Variants in JADE3 observed in about 807,000 individuals in gnomAD.
JADE3 encodes the protein protein Jade-3.
JADE3 carries 2 observed loss-of-function variants against 50.1 expected under a neutral mutation model. The observed-to-expected ratio is 0.04, with a 90% CI of 0.02 to 0.13. The LOEUF is 0.13. Ranked by LOEUF, JADE3 falls within the 10% of genes least tolerant of loss-of-function variation. The probability of loss-of-function intolerance (pLI) is 1.00; values close to 1 mark genes in which losing one functional copy is unlikely to be tolerated. For synonymous variants in JADE3, 218 were observed against 232.9 expected (o/e 0.94, Z 0.58); for missense variants, 475 against 634.4 (o/e 0.75, Z 2.70).
intron 4 of JADE3, among the ~76,000 whole-genome samples, chrX:47,013,054 C>A (rs1556362103): frequency 8.9e-6 from 1 of 112,088 alleles, no homozygotes; most frequent in African/African-American, 3.2e-5. Context: ...TCTCTGTTGC[C>A]CAGCCTGGAA....
rs782124213 is a variant in JADE3 at position 47,035,933 on chromosome X, A to G, written c.855+2145A>G. ...CGAGGCAGGCAGATCACTTGAGTCC[A>G]GGAGTTTGAGACCAGCCTGGGCAAC... On this transcript the variant is annotated intron_variant, in intron 7 of 10. Coordinates refer to ENST00000614628, the MANE Select transcript of JADE3 (RefSeq NM_014735.5). 1.9e-4 allele frequency among the ~76,000 whole-genome samples: 21 copies of G among 111,365 alleles called. No homozygotes were observed. The South Asian group carries it at 8.0e-3, about 43-fold the overall frequency.
intron 1 of JADE3, among the ~76,000 whole-genome samples, chrX:46,951,773 A>G (rs1464640902): frequency 9.2e-6 from 1 of 108,633 alleles, no homozygotes; most frequent in Non-Finnish European, 1.9e-5. Flanking sequence ...TGCCTCCTCC[A>G]TTCTGCTGTT....
intron 4 of JADE3, among the ~76,000 whole-genome samples, chrX:47,019,254 G>T (rs1202143000): frequency 5.4e-5 from 6 of 111,972 alleles, no homozygotes; most frequent in Admixed American, 9.4e-5. Flanking sequence ...TGTCGCAGGG[G>T]TTATCATTGT....
chrX:46,917,323 T>C (rs1926108372), intron 1 of JADE3, among the ~76,000 whole-genome samples: 1 of 111,200 alleles, frequency 9.0e-6, no homozygotes, highest in Non-Finnish European at 1.9e-5. Context: ...GACATTACCA[T>C]ATAGGATAAT....
At chrX:46,959,220 C>T (rs188829510) in intron 1 of JADE3, among the ~76,000 whole-genome samples, 66 of 112,560 alleles carry the variant, frequency 5.9e-4, no homozygotes, top group Non-Finnish European at 1.3e-4. Context: ...CTCCTTTTCT[C>T]ACCTGTGTGT....
At chrX:47,047,672 T>G (rs1297887953) in intron 8 of JADE3, among the ~76,000 whole-genome samples, 2 of 111,106 alleles carry the variant, frequency 1.8e-5, no homozygotes, top group African/African-American at 6.6e-5. Context: ...GCATTGTTGG[T>G]GGAAGTAAAA....
At chrX:46,968,820 A>G (rs917815907) in intron 1 of JADE3, among the ~76,000 whole-genome samples, 2 of 111,142 alleles carry the variant, frequency 1.8e-5, no homozygotes, top group African/African-American at 6.6e-5. Context: ...AAATAGACAA[A>G]CCCAAACCCA....
chrX:46,912,338 C>T (rs1395743065), upstream of JADE3: 1 of 112,022 alleles, frequency 8.9e-6, no homozygotes, highest in African/African-American at 3.2e-5. Flanking sequence ...GGGAGCCGCT[C>T]CGGTAGGGCG....
In JADE3 at chrX:47,058,315, C is replaced by T; in HGVS notation, c.1710C>T (p.Ser570=). The change falls in exon 11 of 11, where the codon AGC becomes AGT. Residue 570 remains serine (S), a synonymous_variant. Transcript: ENST00000614628. ...AGCAGCCCCACTCTCCTGACAGCAG[C>T]TCATCTGTTCACAGTATAAGGAACA... ...TDQQPHSPDS[S]SSVHSIRNMQ... is the part of the protein sequence containing the mutation. 3 of 1,211,221 alleles carry T rather than the reference C, an allele frequency of 2.5e-6. No individual in the cohort carries two copies. In the East Asian group the frequency reaches 8.9e-5, roughly 36 times the overall value.
chrX:47,003,340 C>T (rs1008294623), intron 4 of JADE3, among the ~76,000 whole-genome samples: 1 of 109,854 alleles, frequency 9.1e-6, no homozygotes, highest in Non-Finnish European at 1.9e-5. Context: ...ATGGCCTTTC[C>T]CTTATGACCT....
intron 7 of JADE3, among the ~76,000 whole-genome samples, chrX:47,036,934 G>A (rs1375824033): frequency 1.4e-4 from 11 of 81,016 alleles, no homozygotes; most frequent in Non-Finnish European, 2.6e-4. Context: ...ACAGGAAGGG[G>A]AATATCACAC....
chrX:46,982,794 T>G (rs1927784483), intron 1 of JADE3, among the ~76,000 whole-genome samples: 1 of 110,850 alleles, frequency 9.0e-6, no homozygotes, highest in African/African-American at 3.3e-5. Flanking sequence ...CACCATGCTG[T>G]TATGGTCTAC....
At chrX:47,007,793 C>T (rs782770526) in intron 4 of JADE3, among the ~76,000 whole-genome samples, 11 of 93,764 alleles carry the variant, frequency 1.2e-4, no homozygotes, top group Admixed American at 3.7e-4. Context: ...AGGACTTCAG[C>T]GTGTCCTTTT....
chrX:47,026,738 A>G (rs893328983), intron 5 of JADE3, among the ~76,000 whole-genome samples: 8 of 111,854 alleles, frequency 7.2e-5, no homozygotes, highest in Non-Finnish European at 1.5e-4. Flanking sequence ...ATACTAAGCA[A>G]TGTACCAATA....
intron 4 of JADE3, among the ~76,000 whole-genome samples, chrX:47,006,000 A>G (rs782214378): frequency 4.0e-4 from 45 of 111,562 alleles, no homozygotes; most frequent in Non-Finnish European, 7.9e-4. Context: ...TAATGCCCCA[A>G]ATGTCTAGGT....
At chrX:47,041,006 G>A (rs943410629) in intron 8 of JADE3, among the ~76,000 whole-genome samples, 1 of 110,759 alleles carries the variant, frequency 9.0e-6, no homozygotes, top group Non-Finnish European at 1.9e-5. Flanking sequence ...TTTAACTATG[G>A]CACTTTAAAA....
intron 1 of JADE3, among the ~76,000 whole-genome samples, chrX:46,947,536 G>A (rs782082357): frequency 6.3e-5 from 7 of 111,350 alleles, no homozygotes; most frequent in Non-Finnish European, 1.1e-4. Flanking sequence ...TTACTAAACT[G>A]TAGTCATATT....
At chrX:46,923,532 C>T (rs968275155) in intron 1 of JADE3, among the ~76,000 whole-genome samples, 6 of 104,741 alleles carry the variant, frequency 5.7e-5, no homozygotes, top group Non-Finnish European at 9.8e-5. Flanking sequence ...CAACCTCAGC[C>T]TCCTGAGTAT....
intron 2 of JADE3, 80 bp from the exon 3 acceptor site, chrX:46,985,633 G>A: frequency 1.6e-6 from 1 of 633,536 alleles, no homozygotes; most frequent in Non-Finnish European, 2.5e-6. Flanking sequence ...ATATTCTCTT[G>A]GGTGACATTT....
Sources: gnomAD v4.1 joint callset for allele counts (sites outside exome capture counted in the v4.1 genomes callset) on GRCh38, gnomAD v4.1.1 for gene constraint, MANE v1.5 for transcripts, NCBI Gene and HGNC (gene_info 2026-07-23, HGNC 2026-07-21) for gene names.